The following CNTNAP2 variants were observed in gnomAD, a reference collection of about 807,000 sequenced individuals.
CNTNAP2 encodes contactin associated protein 2, also known as contactin-associated protein-like 2.
Under a neutral mutation model 155.2 loss-of-function variants are expected in CNTNAP2, and 98 were observed. The ratio of observed to expected loss-of-function variants is 0.63; its 90% CI spans 0.54 to 0.75. CNTNAP2 has a LOEUF of 0.75. Ranked by LOEUF, CNTNAP2 falls within the 30% of genes least tolerant of loss-of-function variation. The probability of loss-of-function intolerance (pLI) is 0.00; values close to 1 mark genes in which losing one functional copy is unlikely to be tolerated. For missense variants in CNTNAP2, 1,727 were observed against 1,688.1 expected, an observed-to-expected ratio of 1.02 and a Z score of -0.40; for synonymous variants, 651 against 631.2, an observed-to-expected ratio of 1.03 and a Z score of -0.47.
intron 18 of CNTNAP2, among the ~76,000 whole-genome samples, chr7:148,209,641 G>A (rs1364091966): frequency 6.6e-6 from 1 of 152,114 alleles, no homozygotes; most frequent in Non-Finnish European, 1.5e-5. Flanking sequence ...CTGTCCCATT[G>A]CATAGCCTAT....
intron 3 of CNTNAP2, among the ~76,000 whole-genome samples, chr7:146,888,709 G>T (rs1795717858): frequency 6.6e-6 from 1 of 151,864 alleles, no homozygotes; most frequent in Non-Finnish European, 1.5e-5. Flanking sequence ...CAACATAGAT[G>T]ATCTGGAGGA....
intron 1 of CNTNAP2, among the ~76,000 whole-genome samples, chr7:146,369,551 G>A (rs910313634): frequency 6.6e-6 from 1 of 152,064 alleles, no homozygotes; most frequent in African/African-American, 2.4e-5. Context: ...AACAGTTCTT[G>A]TTATATAAAA....
intron 12 of CNTNAP2, among the ~76,000 whole-genome samples, chr7:147,564,217 C>T (rs1800122898): frequency 6.6e-6 from 1 of 151,976 alleles, no homozygotes; most frequent in South Asian, 2.1e-4. Flanking sequence ...TAGCGTCCCC[C>T]TAAATTTCTA....
At chr7:146,344,960 C>A (rs2129097287) in intron 1 of CNTNAP2, among the ~76,000 whole-genome samples, 1 of 152,278 alleles carries the variant, frequency 6.6e-6, no homozygotes, top group South Asian at 2.1e-4. Flanking sequence ...GCTGTTGGAA[C>A]AGTCTGGAGA....
At chr7:147,984,076 T>C (rs1801577280) in intron 15 of CNTNAP2, among the ~76,000 whole-genome samples, 1 of 152,200 alleles carries the variant, frequency 6.6e-6, no homozygotes, top group Non-Finnish European at 1.5e-5. Flanking sequence ...TTTTCTGTCA[T>C]GTGATGTTAT....
chr7:146,224,201 C>T (rs554968984), intron 1 of CNTNAP2, among the ~76,000 whole-genome samples: 8 of 152,286 alleles, frequency 5.3e-5, no homozygotes, highest in Admixed American at 5.2e-4. Context: ...TTTCAGAAAA[C>T]TTCCTCCATC....
chr7:146,721,562 C>CTA (rs1170710605), intron 1 of CNTNAP2, among the ~76,000 whole-genome samples: 7 of 113,078 alleles, frequency 6.2e-5, no homozygotes, highest in East Asian at 4.9e-4. Flanking sequence ...TATATACATT[C>CTA]TATATATATT....
chr7:148,336,631 A>T (rs928867076), intron 21 of CNTNAP2, among the ~76,000 whole-genome samples: 2 of 152,206 alleles, frequency 1.3e-5, no homozygotes, highest in African/African-American at 4.8e-5. Flanking sequence ...AGAAAATGCG[A>T]TCTAGTTTCC....
intron 1 of CNTNAP2, among the ~76,000 whole-genome samples, chr7:146,615,680 C>T (rs1412359681): frequency 2.0e-5 from 3 of 152,186 alleles, no homozygotes; most frequent in African/African-American, 7.2e-5. Context: ...GAAATGCATG[C>T]ATTCATATCA....
intron 3 of CNTNAP2, among the ~76,000 whole-genome samples, chr7:146,941,148 T>C (rs546612925): frequency 6.6e-6 from 1 of 152,274 alleles, no homozygotes; most frequent in South Asian, 2.1e-4. Context: ...CTACACTATA[T>C]TGTTCATTGT....
chr7:146,224,770 A>G (rs779254618), intron 1 of CNTNAP2, among the ~76,000 whole-genome samples: 2 of 152,146 alleles, frequency 1.3e-5, no homozygotes, highest in African/African-American at 2.4e-5. Context: ...CTCCGTCTCA[A>G]AAACAAACAA....
At chr7:146,660,221 T>C (rs374051933) in intron 1 of CNTNAP2, among the ~76,000 whole-genome samples, 15 of 152,336 alleles carry the variant, frequency 9.8e-5, no homozygotes, top group East Asian at 7.7e-4. Flanking sequence ...GATTGGATGA[T>C]ATCTAAGCAG....
intron 1 of CNTNAP2, among the ~76,000 whole-genome samples, chr7:146,560,849 A>G (rs1798269485): frequency 6.6e-6 from 1 of 152,056 alleles, no homozygotes; most frequent in South Asian, 2.1e-4. Context: ...TTATCTGATC[A>G]TCTATTGGTC....
At chr7:148,270,246 G>C (rs2116845051) in intron 21 of CNTNAP2, among the ~76,000 whole-genome samples, 1 of 152,310 alleles carries the variant, frequency 6.6e-6, no homozygotes, top group South Asian at 2.1e-4. Context: ...AAAGCTAAAA[G>C]TGTACCATGA....
intron 13 of CNTNAP2, among the ~76,000 whole-genome samples, chr7:147,797,626 A>C (rs1490603338): frequency 1.3e-5 from 2 of 152,142 alleles, no homozygotes; most frequent in Admixed American, 6.5e-5. Flanking sequence ...GGACTCTTGG[A>C]GCTCTGGATA....
At chr7:148,061,565 G>A (rs1215510036) in intron 15 of CNTNAP2, among the ~76,000 whole-genome samples, 1 of 151,866 alleles carries the variant, frequency 6.6e-6, no homozygotes, top group African/African-American at 2.4e-5. Context: ...ATGTCGGCCA[G>A]GCCTATCTCA....
chr7:147,017,284 A>G (rs1165581291), intron 3 of CNTNAP2, among the ~76,000 whole-genome samples: 2 of 149,004 alleles, frequency 1.3e-5, no homozygotes, highest in Admixed American at 6.8e-5. Flanking sequence ...ATTTAACTGG[A>G]AAGTATAATA....
At chr7:146,899,313 A>C (rs1289214300) in intron 3 of CNTNAP2, among the ~76,000 whole-genome samples, 1 of 152,128 alleles carries the variant, frequency 6.6e-6, no homozygotes, top group African/African-American at 2.4e-5. Context: ...CCAACAAGAC[A>C]AGTTTATTGG....
At chr7:146,444,661 C>CTTTTTTT (rs772101193) in intron 1 of CNTNAP2, among the ~76,000 whole-genome samples, 4 of 142,260 alleles carry the variant, frequency 2.8e-5, no homozygotes, top group African/African-American at 7.8e-5. Context: ...TCCTCTCTCT[C>CTTTTTTT]TTTTTTTTTT....
Sources: gnomAD v4.1 joint callset for allele counts (sites outside exome capture counted in the v4.1 genomes callset) on GRCh38, gnomAD v4.1.1 for gene constraint, MANE v1.5 for transcripts, NCBI Gene and HGNC (gene_info 2026-07-23, HGNC 2026-07-21) for gene names.